The following MAP2 variants were observed in gnomAD, a reference collection of about 807,000 sequenced individuals.
The protein encoded by MAP2 is microtubule associated protein 2, also known as microtubule-associated protein 2.
Under a neutral mutation model 137.6 loss-of-function variants are expected in MAP2, and 14 were observed. The ratio of observed to expected loss-of-function variants is 0.10; its 90% CI spans 0.07 to 0.16. The LOEUF (loss-of-function observed/expected upper bound fraction) is 0.16. Ranked by LOEUF, MAP2 falls within the 10% of genes least tolerant of loss-of-function variation. MAP2 has a pLI of 1.00. For synonymous variants in MAP2, 786 were observed against 782.3 expected (o/e 1.00, Z -0.08); for missense variants, 2,088 against 2,191.5 (o/e 0.95, Z 0.94).
rs1243094254 is a variant in MAP2, at chr2:209,732,119, C to G, written c.*1722C>G. On this transcript the variant is annotated 3_prime_UTR_variant, in exon 16 of 16. Transcript: ENST00000682079. ...TCAGGGCTGGTAGGTTGGATCTGAA[C>G]CATTAAAATCAAATGGTCCACTAGG... The G allele has an allele frequency of 2.6e-5, 4 of 152,158 alleles. No homozygotes were observed. Among genetic ancestry groups the G allele is most frequent in the African/African-American group, 7.2e-5 (3 of 41,418 alleles). The allele number at this position is 152,158 out of a possible 1,614,324, so 9.4% of individuals were successfully genotyped here.
rs2059531064 is a variant in MAP2 at position 209,693,742 on chromosome 2, A to G, written c.1572A>G (p.Pro524=). The change falls in exon 8 of 16, where the codon CCA becomes CCG. Residue 524 remains proline (P), a synonymous_variant. Coordinates refer to ENST00000682079, the MANE Select transcript of MAP2 (RefSeq NM_001375505.1). Reference sequence around the variant, plus strand: ...CACTGGAGAAAGCCATGACCGAACCATCTGCATTAATTGAAAAGAGCTCAA... The same window carrying G: ...CACTGGAGAAAGCCATGACCGAACCGTCTGCATTAATTGAAAAGAGCTCAA... ...SKTLEKAMTE[P]SALIEKSSIQ... The G allele has an allele frequency of 6.2e-7, 1 of 1,613,490 alleles. No individual in the cohort carries two copies. The highest frequency in any genetic ancestry group is 8.5e-7 in the Non-Finnish European group (1 of 1,179,910).
chr2:209,493,308 A>C lies in MAP2; in HGVS notation c.-221-14284A>C, dbSNP rs557695405. 2.0e-5 allele frequency among the ~76,000 whole-genome samples: 3 copies of C among 152,372 alleles called. No individual in the cohort carries two copies. In the South Asian group the frequency reaches 6.2e-4, roughly 32 times the overall value. ...GATGGATTAAAGATTTAAACATAAT[A>C]CCTAAAACCATAAAAACCCTAGAAG... On this transcript the variant is annotated intron_variant, in intron 1 of 15. Transcript: ENST00000682079.
At chr2:209,504,620 A>ATCCT (rs1468934721) in intron 1 of MAP2, among the ~76,000 whole-genome samples, 5 of 152,212 alleles carry the variant, frequency 3.3e-5, no homozygotes, top group African/African-American at 1.2e-4. Flanking sequence ...ACCATGCAAG[A>ATCCT]TCCTAGGATA....
intron 2 of MAP2, among the ~76,000 whole-genome samples, chr2:209,569,198 A>C (rs184124896): frequency 6.6e-6 from 1 of 151,978 alleles, no homozygotes; most frequent in East Asian, 1.9e-4. Flanking sequence ...ACCAAGACCC[A>C]AAATAAATGA....
intron 11 of MAP2, chr2:209,703,871 T>C (rs1201721292): frequency 7.6e-6 from 3 of 393,806 alleles, no homozygotes; most frequent in Non-Finnish European, 1.5e-5. Flanking sequence ...GAAGAGCAAG[T>C]AATAAGTAAT....
chr2:209,480,732 A>T (rs1238233274), intron 1 of MAP2, among the ~76,000 whole-genome samples: 1 of 152,346 alleles, frequency 6.6e-6, no homozygotes, highest in Non-Finnish European at 1.5e-5. Context: ...AAAATTTTAA[A>T]GAGTTTAGAC....
intron 1 of MAP2, among the ~76,000 whole-genome samples, chr2:209,462,285 C>A (rs1703015550): frequency 6.6e-6 from 1 of 152,014 alleles, no homozygotes; most frequent in Non-Finnish European, 1.5e-5. Flanking sequence ...CGGGCAAGAT[C>A]AGAAAAAATA....
chr2:209,648,812 G>A (rs1326626532), intron 4 of MAP2, among the ~76,000 whole-genome samples: 1 of 140,424 alleles, frequency 7.1e-6, no homozygotes, highest in Non-Finnish European at 1.5e-5. Context: ...AAGAAAGAAA[G>A]AAAGTTGTTT....
At chr2:209,540,660 A>AAAAAAGAAG (rs1577569192) in intron 2 of MAP2, among the ~76,000 whole-genome samples, 9 of 129,260 alleles carry the variant, frequency 7.0e-5, no homozygotes, top group Non-Finnish European at 1.4e-4. Context: ...AAAAAAAAAA[A>AAAAAAGAAG]AAGAAGAAAA....
intron 1 of MAP2, among the ~76,000 whole-genome samples, chr2:209,460,556 T>A (rs1450331087): frequency 6.6e-6 from 1 of 151,900 alleles, no homozygotes; most frequent in Non-Finnish European, 1.5e-5. Flanking sequence ...TCCTTTTCTT[T>A]CCTTCCTTCC....
intron 7 of MAP2, among the ~76,000 whole-genome samples, chr2:209,683,607 TC>T (rs1450436285): frequency 6.6e-6 from 1 of 152,220 alleles, no homozygotes; most frequent in Non-Finnish European, 1.5e-5. Context: ...ATTGAACTGT[TC>T]AATTTTTCAA....
intron 4 of MAP2, among the ~76,000 whole-genome samples, chr2:209,632,310 C>T (rs1277709424): frequency 1.3e-5 from 2 of 151,832 alleles, no homozygotes; most frequent in African/African-American, 4.8e-5. Flanking sequence ...AGAATAATGC[C>T]AGAAAAGAGC....
At chr2:209,672,300 A>G (rs752214575) in intron 5 of MAP2, among the ~76,000 whole-genome samples, 20 of 151,886 alleles carry the variant, frequency 1.3e-4, no homozygotes, top group Non-Finnish European at 2.5e-4. Flanking sequence ...GGAGGTACTC[A>G]TTGGGAAAAA....
At chr2:209,642,006 A>G (rs1456910764) in intron 4 of MAP2, among the ~76,000 whole-genome samples, 1 of 152,180 alleles carries the variant, frequency 6.6e-6, no homozygotes, top group Non-Finnish European at 1.5e-5. Flanking sequence ...ACAGCAAGCA[A>G]TGGAACGGAT....
intron 2 of MAP2, among the ~76,000 whole-genome samples, chr2:209,532,020 C>T (rs895750751): frequency 1.3e-5 from 2 of 152,094 alleles, no homozygotes; most frequent in African/African-American, 4.8e-5. Flanking sequence ...GGCAGGATTG[C>T]GTGAGTCCAA....
chr2:209,473,628 G>A (rs4672554), intron 1 of MAP2, among the ~76,000 whole-genome samples: 80,154 of 151,744 alleles, frequency 0.53, 22,152 homozygotes, highest in Middle Eastern at 0.63. Context: ...AGATAAAACA[G>A]AGATGTATAG....
intron 2 of MAP2, among the ~76,000 whole-genome samples, chr2:209,575,649 C>T (rs113677647): frequency 0.011 from 1,660 of 150,544 alleles, 32 homozygotes; most frequent in African/African-American, 0.038. Context: ...AAAAACTTCT[C>T]TTGTGTTTAG....
intron 3 of MAP2, among the ~76,000 whole-genome samples, chr2:209,588,275 GTC>G (rs1175415505): frequency 6.6e-6 from 1 of 152,172 alleles, no homozygotes. Flanking sequence ...TTCCAAGATT[GTC>G]TCTCTTTCTC....
At chr2:209,492,924 A>C (rs149960183) in intron 1 of MAP2, among the ~76,000 whole-genome samples, 2 of 152,202 alleles carry the variant, frequency 1.3e-5, no homozygotes. Context: ...TCTTCACAGA[A>C]TTAGGAAAAA....
Sources: gnomAD v4.1 joint callset for allele counts (sites outside exome capture counted in the v4.1 genomes callset) on GRCh38, gnomAD v4.1.1 for gene constraint, MANE v1.5 for transcripts, NCBI Gene and HGNC (gene_info 2026-07-23, HGNC 2026-07-21) for gene names.